VPS45: variants seen among roughly 807,000 people sequenced by gnomAD.
VPS45 encodes the protein vacuolar protein sorting-associated protein 45.
A neutral mutation model predicts 75.9 loss-of-function variants in VPS45; 35 were observed. The observed-to-expected ratio is 0.46, with a 90% CI of 0.35 to 0.61. VPS45 has a LOEUF of 0.61. Ranked by LOEUF, VPS45 falls within the 20% of genes least tolerant of loss-of-function variation. The probability of loss-of-function intolerance (pLI) is 0.00; values close to 1 mark genes in which losing one functional copy is unlikely to be tolerated. For synonymous variants in VPS45, 220 were observed against 238.2 expected (o/e 0.92, Z 0.70); for missense variants, 559 against 685.9 (o/e 0.81, Z 2.07).
intron 13 of VPS45, among the ~76,000 whole-genome samples, chr1:150,099,861 A>G (rs1164297807): frequency 6.7e-6 from 1 of 149,368 alleles, no homozygotes; most frequent in Non-Finnish European, 1.5e-5. Context: ...AGAGCCATCT[A>G]TGACAAACCC....
intron 13 of VPS45, among the ~76,000 whole-genome samples, chr1:150,098,216 A>G (rs1416404598): frequency 6.6e-6 from 1 of 152,244 alleles, no homozygotes; most frequent in African/African-American, 2.4e-5. Context: ...ATATTGAGAC[A>G]GTAGTTAGTT....
intron 14 of VPS45, among the ~76,000 whole-genome samples, chr1:150,140,540 T>A (rs1313241083): frequency 1.3e-5 from 2 of 152,096 alleles, no homozygotes; most frequent in African/African-American, 4.8e-5. Context: ...TTTATTTTCC[T>A]TCTCTCCCAT....
intron 13 of VPS45, among the ~76,000 whole-genome samples, chr1:150,102,254 A>AG (rs1657079089): frequency 6.7e-6 from 1 of 148,770 alleles, no homozygotes; most frequent in African/African-American, 2.5e-5. Context: ...AAAAAAAAAA[A>AG]CAAACACATG....
At chr1:150,120,707 C>T (rs1014193162) in intron 14 of VPS45, among the ~76,000 whole-genome samples, 1 of 151,908 alleles carries the variant, frequency 6.6e-6, no homozygotes, top group Non-Finnish European at 1.5e-5. Flanking sequence ...GCAGGCCTTC[C>T]GTAGTTGTAT....
chr1:150,100,499 A>C (rs1656919170), intron 13 of VPS45, among the ~76,000 whole-genome samples: 1 of 152,164 alleles, frequency 6.6e-6, no homozygotes, highest in Non-Finnish European at 1.5e-5. Context: ...ATTCATATGG[A>C]ACCAAAAAAA....
chr1:150,129,991 A>G (rs1270557592), intron 14 of VPS45, among the ~76,000 whole-genome samples: 1 of 151,800 alleles, frequency 6.6e-6, no homozygotes, highest in Non-Finnish European at 1.5e-5. Flanking sequence ...ATCTAGGACT[A>G]TGGGCCACCA....
At chr1:150,138,292 T>C (rs1553814392) in intron 14 of VPS45, among the ~76,000 whole-genome samples, 1 of 152,084 alleles carries the variant, frequency 6.6e-6, no homozygotes, top group African/African-American at 2.4e-5. Context: ...AGAGATGAGG[T>C]ATTGCTATGT....
chr1:150,104,807 G>T (rs892553555), intron 13 of VPS45, among the ~76,000 whole-genome samples: 25 of 152,124 alleles, frequency 1.6e-4, no homozygotes, highest in Non-Finnish European at 3.1e-4. Flanking sequence ...TTGCCAGGTG[G>T]ATCTCAAGCT....
chr1:150,114,493 C>CAGT (rs1657817326), intron 14 of VPS45, among the ~76,000 whole-genome samples: 1 of 148,090 alleles, frequency 6.8e-6, no homozygotes, highest in South Asian at 2.1e-4. Flanking sequence ...AATTATTGGC[C>CAGT]AGTAGTTTAG....
intron 14 of VPS45, among the ~76,000 whole-genome samples, chr1:150,142,320 T>C (rs1239900519): frequency 6.6e-6 from 1 of 152,218 alleles, no homozygotes; most frequent in Admixed American, 6.5e-5. Context: ...TCAAGACTTA[T>C]TGTGTTATTG....
intron 14 of VPS45, among the ~76,000 whole-genome samples, chr1:150,136,226 G>T (rs1214254643): frequency 9.7e-6 from 1 of 102,978 alleles, no homozygotes; most frequent in African/African-American, 4.0e-5. Context: ...TCCAGCTTGG[G>T]CAACAGAGTG....
intron 13 of VPS45, among the ~76,000 whole-genome samples, chr1:150,097,999 G>A (rs2101580395): frequency 6.6e-6 from 1 of 152,176 alleles, no homozygotes; most frequent in Middle Eastern, 3.4e-3. Context: ...ACAGGCACAT[G>A]CCACAGTACC....
At chr1:150,103,334 T>C (rs1463411046) in intron 13 of VPS45, among the ~76,000 whole-genome samples, 3 of 152,200 alleles carry the variant, frequency 2.0e-5, no homozygotes, top group African/African-American at 7.2e-5. Flanking sequence ...GGAAAAGGAA[T>C]GAAAAGGAAA....
At chr1:150,072,393 T>G (rs1163300184) in intron 3 of VPS45, among the ~76,000 whole-genome samples, 167 bp downstream of exon 3, 1 of 152,148 alleles carries the variant, frequency 6.6e-6, no homozygotes, top group Admixed American at 6.5e-5. Flanking sequence ...CCGGGCGCGG[T>G]GGCTCACACC....
chr1:150,131,076 C>T (rs1553812253), intron 14 of VPS45, among the ~76,000 whole-genome samples: 1 of 152,092 alleles, frequency 6.6e-6, no homozygotes, highest in African/African-American at 2.4e-5. Context: ...AGGGTGTAAG[C>T]GTTTTTAAGA....
At chr1:150,097,418 CA>C (rs1656726883) in intron 13 of VPS45, among the ~76,000 whole-genome samples, 1 of 150,740 alleles carries the variant, frequency 6.6e-6, no homozygotes. Context: ...ACATTTCTTT[CA>C]GGTAAAAAAA....
chr1:150,067,732 G>C, upstream of VPS45: 2 of 871,560 alleles, frequency 2.3e-6, no homozygotes, highest in Non-Finnish European at 3.7e-6. Context: ...CACCGTGGCT[G>C]CCCGGACTCC....
intron 2 of VPS45, among the ~76,000 whole-genome samples, chr1:150,071,479 A>G (rs11585955): frequency 0.16 from 23,762 of 152,150 alleles, 2,026 homozygotes; most frequent in African/African-American, 0.19. Flanking sequence ...AGACACATTT[A>G]ATGCTCTATA....
chr1:150,073,710 G>A (rs986302383), intron 3 of VPS45, among the ~76,000 whole-genome samples: 1 of 151,340 alleles, frequency 6.6e-6, no homozygotes, highest in Admixed American at 6.6e-5. Context: ...CCCCTGTGTA[G>A]TATCTTACAT....
Sources: gnomAD v4.1 joint callset for allele counts (sites outside exome capture counted in the v4.1 genomes callset) on GRCh38, gnomAD v4.1.1 for gene constraint, MANE v1.5 for transcripts, NCBI Gene and HGNC (gene_info 2026-07-23, HGNC 2026-07-21) for gene names.